The following EFNA5 variants were observed in gnomAD, a reference collection of about 807,000 sequenced individuals.
EFNA5 encodes ephrin-A5.
A neutral mutation model predicts 22.9 loss-of-function variants in EFNA5; 5 were observed. The ratio of observed to expected loss-of-function variants is 0.22; its 90% confidence interval spans 0.11 to 0.46. The LOEUF (loss-of-function observed/expected upper bound fraction) is 0.46. Among genes scored for constraint, EFNA5 ranks in the 20% least tolerant of loss-of-function variants. The probability of loss-of-function intolerance (pLI) is 0.99; values close to 1 mark genes in which losing one functional copy is unlikely to be tolerated. For missense variants in EFNA5, 237 were observed against 293.3 expected (o/e 0.81, Z 1.40); for synonymous variants, 113 against 112.2 (o/e 1.01, Z -0.04).
intron 1 of EFNA5, among the ~76,000 whole-genome samples, chr5:107,441,731 G>A (rs152601): frequency 0.23 from 35,720 of 152,024 alleles, 4,501 homozygotes; most frequent in East Asian, 0.52. Context: ...TAAGGGTGGT[G>A]CCTTCTGAAT....
chr5:107,408,367 C>T (rs996362776), intron 2 of EFNA5, among the ~76,000 whole-genome samples: 11 of 152,152 alleles, frequency 7.2e-5, no homozygotes, highest in South Asian at 4.1e-4. Flanking sequence ...TCCTTACAAC[C>T]AATTTGATCC....
chr5:107,378,189 G>T lies in EFNA5; in HGVS notation c.*3066C>A, dbSNP rs1004986256. The T allele has an allele frequency of 3.6e-4, 50 of 139,580 alleles. No individual in the cohort carries two copies. Among genetic ancestry groups the T allele is most frequent in the African/African-American group, 9.3e-4 (36 of 38,632 alleles). 8.6% of individuals were successfully genotyped at this position (139,580 alleles called of 1,614,324 possible). On this transcript the variant is annotated 3_prime_UTR_variant, in exon 5 of 5. Transcript: ENST00000333274. ...AATAATACAGAATTTAAAGAACGCA[G>T]TTTTTTTTTTTTTTTTAATGTTTTA...
chr5:107,453,571 T>C (rs541819433), intron 1 of EFNA5, among the ~76,000 whole-genome samples: 1 of 152,166 alleles, frequency 6.6e-6, no homozygotes, highest in Non-Finnish European at 1.5e-5. Flanking sequence ...TATTTATAGG[T>C]AATTGATTTC....
At position 107,608,657 on chromosome 5, in the gene EFNA5, T is replaced by C. The variant is rs185086777; in HGVS notation, c.125+61832A>G. Among the ~76,000 whole-genome samples, 1,158 of 152,290 alleles carry C rather than the reference T, an allele frequency of 7.6e-3. 18 individuals carry two copies. Among genetic ancestry groups the C allele is most frequent in the African/African-American group, 0.026 (1,076 of 41,560 alleles). On this transcript the variant is annotated intron_variant, in intron 1 of 4. Coordinates refer to ENST00000333274, the MANE Select transcript of EFNA5 (RefSeq NM_001962.3). ...TGGAGGCACCAAGTCAACTATAACTTCATGGCTGTGCTTTATCTTCCTACT... is the reference window on the plus strand; with the variant it reads ...TGGAGGCACCAAGTCAACTATAACTCCATGGCTGTGCTTTATCTTCCTACT...
chr5:107,628,045 C>T (rs1295515992), intron 1 of EFNA5, among the ~76,000 whole-genome samples: 7 of 152,122 alleles, frequency 4.6e-5, no homozygotes, highest in Admixed American at 4.6e-4. Context: ...TTACTGCATG[C>T]CATGTACAGT....
chr5:107,664,078 A>G (rs1751021566), intron 1 of EFNA5, among the ~76,000 whole-genome samples: 1 of 152,196 alleles, frequency 6.6e-6, no homozygotes. Flanking sequence ...TCATTGAACT[A>G]TATGGTTTAC....
intron 1 of EFNA5, among the ~76,000 whole-genome samples, chr5:107,569,548 T>C (rs1457078205): frequency 4.2e-5 from 5 of 118,996 alleles, no homozygotes; most frequent in South Asian, 2.6e-4. Context: ...TATATGTGTG[T>C]ATATATATAT....
At chr5:107,604,600 A>C (rs1363056372) in intron 1 of EFNA5, among the ~76,000 whole-genome samples, 1 of 152,218 alleles carries the variant, frequency 6.6e-6, no homozygotes, top group African/African-American at 2.4e-5. Context: ...CATATAAGAA[A>C]AAAATAATTA....
At chr5:107,580,106 A>AGT (rs576277989) in intron 1 of EFNA5, among the ~76,000 whole-genome samples, 68 of 152,310 alleles carry the variant, frequency 4.5e-4, no homozygotes, top group African/African-American at 1.5e-3. Context: ...GTGCTTGACA[A>AGT]GTCTATATAG....
intron 2 of EFNA5, among the ~76,000 whole-genome samples, chr5:107,394,242 C>A (rs78917383): frequency 6.6e-6 from 1 of 152,150 alleles, no homozygotes. Context: ...CTAAATTTGC[C>A]AACACATTTC....
chr5:107,653,168 T>C (rs1347747928), intron 1 of EFNA5, among the ~76,000 whole-genome samples: 1 of 152,074 alleles, frequency 6.6e-6, no homozygotes, highest in East Asian at 1.9e-4. Context: ...TGCTGCAATT[T>C]ACATCTCCTT....
At chr5:107,579,182 A>C (rs1409982047) in intron 1 of EFNA5, among the ~76,000 whole-genome samples, 1 of 152,180 alleles carries the variant, frequency 6.6e-6, no homozygotes, top group Non-Finnish European at 1.5e-5. Flanking sequence ...ATTATAGTGC[A>C]AAAAGCTTTG....
chr5:107,490,043 G>A (rs1296353624), intron 1 of EFNA5, among the ~76,000 whole-genome samples: 1 of 152,206 alleles, frequency 6.6e-6, no homozygotes, highest in Non-Finnish European at 1.5e-5. Context: ...GGGGCATGCA[G>A]GGACAAGATT....
chr5:107,638,757 T>C (rs565853112), intron 1 of EFNA5, among the ~76,000 whole-genome samples: 1 of 152,292 alleles, frequency 6.6e-6, no homozygotes, highest in East Asian at 1.9e-4. Flanking sequence ...CCTCCACGGA[T>C]ACCGAGGGAT....
intron 2 of EFNA5, among the ~76,000 whole-genome samples, chr5:107,399,377 A>G (rs977325049): frequency 8.7e-5 from 13 of 148,712 alleles, no homozygotes; most frequent in Non-Finnish European, 7.5e-5. Flanking sequence ...AGGAGGGAGG[A>G]AGGAAGGAAG....
At chr5:107,468,030 C>T (rs1750038070) in intron 1 of EFNA5, among the ~76,000 whole-genome samples, 1 of 152,198 alleles carries the variant, frequency 6.6e-6, no homozygotes, top group South Asian at 2.1e-4. Context: ...TTCATGATCA[C>T]ACTTCGTTTA....
intron 2 of EFNA5, 80 bp downstream of exon 2, chr5:107,427,137 C>T (rs749815574): frequency 6.7e-7 from 1 of 1,486,596 alleles, no homozygotes; most frequent in Non-Finnish European, 9.3e-7. Context: ...CAGCTCTCTG[C>T]AATTCTCTGA....
chr5:107,587,209 C>T (rs769327582), intron 1 of EFNA5, among the ~76,000 whole-genome samples: 22 of 152,152 alleles, frequency 1.4e-4, no homozygotes, highest in Non-Finnish European at 2.6e-4. Context: ...ACATGCTTAA[C>T]GAATCATGCC....
At chr5:107,585,401 A>C (rs1749163883) in intron 1 of EFNA5, among the ~76,000 whole-genome samples, 1 of 152,236 alleles carries the variant, frequency 6.6e-6, no homozygotes, top group South Asian at 2.1e-4. Context: ...AGCAACAGCC[A>C]ATTCAAGGCA....
Sources: allele counts gnomAD v4.1 joint callset (sites outside exome capture counted in the v4.1 genomes callset), GRCh38; gene constraint gnomAD v4.1.1; transcripts MANE v1.5; gene names NCBI Gene and HGNC (gene_info 2026-07-23, HGNC 2026-07-21).